The following CA8 variants were observed in gnomAD, a reference collection of about 807,000 sequenced individuals.
CA8 encodes carbonic anhydrase-related protein.
Under a neutral mutation model 41.4 loss-of-function variants are expected in CA8, and 22 were observed. The ratio of observed to expected loss-of-function variants is 0.53; its 90% CI spans 0.38 to 0.76. The LOEUF (loss-of-function observed/expected upper bound fraction) is 0.76. CA8 is among the 30% of genes least tolerant of loss of function. CA8 has a pLI of 0.00. For synonymous variants in CA8, 121 were observed against 130.6 expected, an observed-to-expected ratio of 0.93 and a Z score of 0.50; for missense variants, 270 against 352.8, an observed-to-expected ratio of 0.77 and a Z score of 1.88.
At chr8:60,217,168 G>A (rs1807049899) in intron 7 of CA8, among the ~76,000 whole-genome samples, 1 of 151,988 alleles carries the variant, frequency 6.6e-6, no homozygotes, top group Non-Finnish European at 1.5e-5. Context: ...ACAGGCGTGA[G>A]CCACCACGCC....
At chr8:60,236,517 G>A (rs910585965) in intron 3 of CA8, among the ~76,000 whole-genome samples, 2 of 152,148 alleles carry the variant, frequency 1.3e-5, no homozygotes, top group Non-Finnish European at 2.9e-5. Flanking sequence ...ACCAACAGAA[G>A]TTTAAATCTG....
At chr8:60,250,050 A>G (rs569019967) in intron 3 of CA8, among the ~76,000 whole-genome samples, 1 of 152,322 alleles carries the variant, frequency 6.6e-6, no homozygotes, top group Admixed American at 6.5e-5. Flanking sequence ...TTGCTCAGAA[A>G]CATTACATAT....
intron 5 of CA8, among the ~76,000 whole-genome samples, chr8:60,226,071 A>C (rs1221038972): frequency 6.6e-6 from 1 of 152,206 alleles, no homozygotes; most frequent in Non-Finnish European, 1.5e-5. Context: ...ATCTTACCAC[A>C]TATGTGTACT....
rs533029536 is a variant in CA8 at position 60,238,253 on chromosome 8, G to A, written c.418-5874C>T. ...CAGCTTAACAGAAAGCTATCTTCACGACAAATGAGGTTTATTACTAACATA... is the reference window on the plus strand; with the variant it reads ...CAGCTTAACAGAAAGCTATCTTCACAACAAATGAGGTTTATTACTAACATA... On this transcript the variant is annotated intron_variant, in intron 3 of 8. Transcript: ENST00000317995. 2.1e-4 allele frequency among the ~76,000 whole-genome samples: 32 copies of A among 152,270 alleles called. 1 individual carries two copies. The highest frequency in any genetic ancestry group is 4.1e-4 in the South Asian group (2 of 4,828).
chr8:60,222,133 G>C (rs1384985964), intron 7 of CA8, among the ~76,000 whole-genome samples: 4 of 152,206 alleles, frequency 2.6e-5, no homozygotes, highest in Non-Finnish European at 4.4e-5. Context: ...CCACCGTGCA[G>C]TACCATTTAG....
At position 60,279,207 on chromosome 8, in the gene CA8, T is replaced by C. The variant is rs192108082; in HGVS notation, c.292+482A>G. On this transcript the variant is annotated intron_variant, in intron 2 of 8. Coordinates refer to ENST00000317995, the MANE Select transcript of CA8 (RefSeq NM_004056.6). ...TTTAGAGGCTGTTTCTTATTGTTAT[T>C]AGTTAAAATTATTTTTGGCAAACTA... Among the ~76,000 whole-genome samples the C allele has an allele frequency of 6.1e-3, 923 of 152,342 alleles. 10 individuals are homozygous for C. Among genetic ancestry groups the C allele is most frequent in the African/African-American group, 0.021 (860 of 41,582 alleles).
chr8:60,195,809 C>T (rs1286322432), intron 8 of CA8, among the ~76,000 whole-genome samples: 2 of 152,148 alleles, frequency 1.3e-5, no homozygotes, highest in South Asian at 2.1e-4. Context: ...TTACAAGCAA[C>T]GGCATATAGA....
At chr8:60,222,283 AT>A (rs1352336786) in intron 7 of CA8, among the ~76,000 whole-genome samples, 1 of 152,212 alleles carries the variant, frequency 6.6e-6, no homozygotes, top group East Asian at 1.9e-4. Context: ...AGGCAAAACT[AT>A]TTCAAAGCCT....
At chr8:60,202,340 C>T (rs1806458463) in intron 8 of CA8, among the ~76,000 whole-genome samples, 1 of 151,910 alleles carries the variant, frequency 6.6e-6, no homozygotes, top group Non-Finnish European at 1.5e-5. Flanking sequence ...CATGAGCCAC[C>T]ACGACTGGCC....
chr8:60,280,159 C>A lies in CA8; in HGVS notation c.101-279G>T, dbSNP rs1804364473. ...ATTTATGATTCTAGGAAATTTGGGT[C>A]ATTTTTAAGTGATTAGGAAAAAAGA... On this transcript the variant is annotated intron_variant, in intron 1 of 8. Coordinates refer to ENST00000317995, the MANE Select transcript of CA8 (RefSeq NM_004056.6). 2.0e-5 allele frequency among the ~76,000 whole-genome samples: 3 copies of A among 152,104 alleles called. No individual in the cohort carries two copies. In the South Asian group the frequency reaches 6.2e-4, roughly 31 times the overall value.
chr8:60,272,252 A>G (rs1377268989), intron 2 of CA8, among the ~76,000 whole-genome samples: 1 of 152,036 alleles, frequency 6.6e-6, no homozygotes, highest in African/African-American at 2.4e-5. Flanking sequence ...TTCCACTGAC[A>G]CTGCAATGCC....
intron 3 of CA8, among the ~76,000 whole-genome samples, chr8:60,238,047 C>T (rs1039401046): frequency 6.6e-6 from 1 of 152,312 alleles, no homozygotes; most frequent in African/African-American, 2.4e-5. Flanking sequence ...GGACTCACAA[C>T]TTCATATTCC....
At chr8:60,246,596 C>A (rs1808245018) in intron 3 of CA8, among the ~76,000 whole-genome samples, 1 of 152,128 alleles carries the variant, frequency 6.6e-6, no homozygotes, top group African/African-American at 2.4e-5. Flanking sequence ...CTGTGCCCGG[C>A]CACACATTTG....
At chr8:60,193,677 C>G (rs1019908009) in intron 8 of CA8, among the ~76,000 whole-genome samples, 1 of 152,108 alleles carries the variant, frequency 6.6e-6, no homozygotes, top group Non-Finnish European at 1.5e-5. Flanking sequence ...TTCCAGATTC[C>G]TTGATTTTGA....
chr8:60,255,930 C>G (rs1808620023), intron 3 of CA8, among the ~76,000 whole-genome samples: 1 of 129,826 alleles, frequency 7.7e-6, no homozygotes, highest in Non-Finnish European at 1.6e-5. Context: ...TTTTTTGAAA[C>G]AGAGTTTCGT....
At chr8:60,247,784 C>A (rs964236651) in intron 3 of CA8, among the ~76,000 whole-genome samples, 6 of 152,140 alleles carry the variant, frequency 3.9e-5, no homozygotes, top group African/African-American at 1.4e-4. Flanking sequence ...AATGGGATTG[C>A]GTATCAAATG....
At chr8:60,229,284 G>T (rs925614857) in intron 4 of CA8, among the ~76,000 whole-genome samples, 2 of 151,850 alleles carry the variant, frequency 1.3e-5, no homozygotes, top group African/African-American at 4.8e-5. Flanking sequence ...TGAACCCTTC[G>T]AGTCTGCCCA....
chr8:60,243,305 C>A (rs894877784), intron 3 of CA8, among the ~76,000 whole-genome samples: 2 of 152,068 alleles, frequency 1.3e-5, no homozygotes, highest in Admixed American at 1.3e-4. Context: ...CAGGAGTAAA[C>A]ATCTGCTCCT....
intron 3 of CA8, among the ~76,000 whole-genome samples, chr8:60,233,631 G>A (rs1219366321): frequency 1.3e-5 from 2 of 152,168 alleles, no homozygotes; most frequent in African/African-American, 4.8e-5. Context: ...TTCTCCAGCT[G>A]CAACAACAGC....
Sources: allele counts gnomAD v4.1 joint callset (sites outside exome capture counted in the v4.1 genomes callset), GRCh38; gene constraint gnomAD v4.1.1; transcripts MANE v1.5; gene names NCBI Gene and HGNC (gene_info 2026-07-23, HGNC 2026-07-21).